C2CD5: variants seen among roughly 807,000 people sequenced by gnomAD.
C2CD5 encodes the protein C2 domain-containing protein 5.
In C2CD5, 109 loss-of-function variants were observed where a neutral mutation model predicts 130.3. That is an observed-to-expected ratio of 0.84 (90% CI 0.72 to 0.98). The LOEUF is 0.98. C2CD5 is among the 50% of genes least tolerant of loss of function. C2CD5 has a pLI of 0.00. For missense variants in C2CD5, 996 were observed against 1,261.8 expected (o/e 0.79, Z 3.19); for synonymous variants, 454 against 429.2 (o/e 1.06, Z -0.71).
At chr12:22,502,800 A>G (rs1199661408) in intron 10 of C2CD5, 1 of 1,527,828 alleles carries the variant, frequency 6.5e-7, no homozygotes, top group East Asian at 2.5e-5. Flanking sequence ...TAATTCCGAC[A>G]AAGGCTGAGT....
chr12:22,519,654 C>T (rs551960017), intron 7 of C2CD5, among the ~76,000 whole-genome samples: 28 of 152,000 alleles, frequency 1.8e-4, no homozygotes, highest in Non-Finnish European at 3.1e-4. Context: ...TCTTATATTA[C>T]CTTTGAAACT....
At chr12:22,530,363 T>TACATAA (rs753937687) in intron 3 of C2CD5, among the ~76,000 whole-genome samples, 1 of 151,296 alleles carries the variant, frequency 6.6e-6, no homozygotes, top group Non-Finnish European at 1.5e-5. Context: ...AAAAAAGTAC[T>TACATAA]ACATAATCAA....
At chr12:22,505,929 G>T (rs1395539460) in intron 10 of C2CD5, among the ~76,000 whole-genome samples, 1 of 152,018 alleles carries the variant, frequency 6.6e-6, no homozygotes, top group Non-Finnish European at 1.5e-5. Flanking sequence ...GCCCATGCTG[G>T]ATTCCACCAA....
chr12:22,491,107 G>C (rs1946288791), intron 11 of C2CD5, among the ~76,000 whole-genome samples: 1 of 152,216 alleles, frequency 6.6e-6, no homozygotes, highest in African/African-American at 2.4e-5. Context: ...GTTTAATCCA[G>C]TAACAGAAAG....
intron 12 of C2CD5, among the ~76,000 whole-genome samples, chr12:22,485,966 C>T (rs903364742): frequency 1.3e-5 from 2 of 151,892 alleles, no homozygotes; most frequent in South Asian, 4.1e-4. Flanking sequence ...TACTTTGCAA[C>T]TAAGCATTAT....
chr12:22,476,539 C>T (rs1384158648), intron 15 of C2CD5, among the ~76,000 whole-genome samples: 2 of 152,042 alleles, frequency 1.3e-5, no homozygotes, highest in African/African-American at 4.8e-5. Flanking sequence ...CTGTATGACA[C>T]ATAGTAGCAG....
intron 3 of C2CD5, among the ~76,000 whole-genome samples, chr12:22,531,002 C>T (rs1035057041): frequency 6.6e-6 from 1 of 151,928 alleles, no homozygotes; most frequent in Non-Finnish European, 1.5e-5. Flanking sequence ...GAAAACTATT[C>T]GTTTTTAACC....
intron 14 of C2CD5, 35 bp from the exon 15 acceptor site, chr12:22,478,512 A>G: frequency 2.6e-6 from 4 of 1,563,760 alleles, no homozygotes; most frequent in Non-Finnish European, 3.5e-6. Context: ...ATCAGAAAAA[A>G]TATCTACAGA....
intron 9 of C2CD5, among the ~76,000 whole-genome samples, chr12:22,510,851 C>A (rs190223195): frequency 2.8e-4 from 43 of 152,286 alleles, no homozygotes; most frequent in Admixed American, 2.7e-3. Flanking sequence ...ACAAATCTGG[C>A]TGAGCACAGT....
chr12:22,458,328 C>T (rs1305290876), intron 24 of C2CD5, among the ~76,000 whole-genome samples, 156 bp downstream of exon 24: 2 of 152,128 alleles, frequency 1.3e-5, no homozygotes, highest in African/African-American at 4.8e-5. Flanking sequence ...CTTTCAAAAG[C>T]TTTTCCTAAA....
intron 15 of C2CD5, among the ~76,000 whole-genome samples, chr12:22,476,381 C>T (rs1943842276): frequency 6.6e-6 from 1 of 151,986 alleles, no homozygotes; most frequent in Admixed American, 6.6e-5. Flanking sequence ...ATAATGTAGT[C>T]AGTATCTACA....
At chr12:22,503,633 C>T (rs1948090678) in intron 10 of C2CD5, among the ~76,000 whole-genome samples, 1 of 152,092 alleles carries the variant, frequency 6.6e-6, no homozygotes, top group Non-Finnish European at 1.5e-5. Flanking sequence ...GCCTCAGCCT[C>T]CCAAGTAGCT....
intron 7 of C2CD5, among the ~76,000 whole-genome samples, chr12:22,520,768 C>T (rs750589638): frequency 1.3e-5 from 2 of 151,920 alleles, no homozygotes; most frequent in Non-Finnish European, 2.9e-5. Context: ...AAAGCACTTT[C>T]TATTGTCAAG....
intron 23 of C2CD5, among the ~76,000 whole-genome samples, chr12:22,459,271 A>T (rs1267881044): frequency 1.3e-5 from 2 of 152,098 alleles, no homozygotes; most frequent in Non-Finnish European, 2.9e-5. Flanking sequence ...CTAAAATTTT[A>T]TGCTTAGAAA....
intron 22 of C2CD5, among the ~76,000 whole-genome samples, chr12:22,462,547 G>C (rs1263812443): frequency 6.6e-6 from 1 of 152,150 alleles, no homozygotes; most frequent in African/African-American, 2.4e-5. Context: ...GTGTGTAGTG[G>C]TGTGGGAGGG....
chr12:22,454,074 T>C (rs758863701), intron 25 of C2CD5, 32 bp from the exon 26 acceptor site: 6 of 1,563,212 alleles, frequency 3.8e-6, no homozygotes, highest in African/African-American at 2.7e-5. Context: ...AATCATACTA[T>C]ATATACATGT....
In C2CD5 at chr12:22,449,794, T is replaced by A. The variant is rs1411151631; in HGVS notation, c.3122A>T (p.Gln1041Leu). The A allele has an allele frequency of 6.2e-7, 1 of 1,609,078 alleles. No homozygotes were observed. Among genetic ancestry groups the A allele is most frequent in the Non-Finnish European group, 8.5e-7 (1 of 1,176,296 alleles). Reference protein sequence around the residue: ...VSSQQPTTNCQSSCTEGEVTT With the variant: ...VSSQQPTTNCLSSCTEGEVTT ...AACTTCGCCTTCAGTACATGATGAC[T>A]GGCAGTTGGTAGTAGGTTGCTGAGA... Residue 1041 changes from glutamine (Q) to leucine (L), a missense_variant, in exon 27 of 27, where the codon CAG becomes CTG. Around this residue, in one of 9 missense-constraint regions of C2CD5, gnomAD observed 48 missense variants for 46.4 expected, o/e 1.03. Coordinates refer to ENST00000446597, the MANE Select transcript of C2CD5 (RefSeq NM_001286176.2).
rs1244816498 is a variant in C2CD5, at chr12:22,471,440, C to T, written c.2317G>A (p.Val773Ile). 1.3e-6 allele frequency: 2 copies of T among 1,599,932 alleles called. No homozygotes were observed. The highest frequency in any genetic ancestry group is 1.7e-5 in the Admixed American group (1 of 59,878). The change falls in exon 20 of 27, where the codon GTA (valine) becomes ATA (isoleucine). Residue 773 changes from valine to isoleucine, a missense_variant. This residue lies in a region of C2CD5 where 590 missense variants were observed against 631.4 expected (regional missense o/e 0.93). Coordinates refer to ENST00000446597, the MANE Select transcript of C2CD5 (RefSeq NM_001286176.2). ...RSMIPCCLCH[V>I]NFTVSLPEDE... ...TCAGGCAGAGATACTGTAAAATTTACATGGCAAAGGCAGCAGGGGATCATA... is the reference window on the plus strand; with the variant it reads ...TCAGGCAGAGATACTGTAAAATTTATATGGCAAAGGCAGCAGGGGATCATA...
At chr12:22,472,378 G>C in intron 17 of C2CD5, 31 bp from the exon 18 acceptor site, 1 of 1,067,684 alleles carries the variant, frequency 9.4e-7, no homozygotes, top group African/African-American at 1.6e-5. Flanking sequence ...CAAAATATAT[G>C]ATAATATTTC....
Sources: gnomAD v4.1 joint callset for allele counts (sites outside exome capture counted in the v4.1 genomes callset) on GRCh38, gnomAD v4.1.1 for gene constraint, gnomAD v4.1.1 regional missense constraint, MANE v1.5 for transcripts, NCBI Gene and HGNC (gene_info 2026-07-23, HGNC 2026-07-21) for gene names.